Variants in KITLG observed in about 807,000 individuals in gnomAD.
KITLG encodes KIT ligand.
In KITLG, 13 loss-of-function variants were observed where a neutral mutation model predicts 34.1. The ratio of observed to expected loss-of-function variants is 0.38; its 90% CI spans 0.25 to 0.61. KITLG has a LOEUF of 0.61. KITLG is among the 20% of genes least tolerant of loss of function. The probability of loss-of-function intolerance (pLI) is 0.60; values close to 1 mark genes in which losing one functional copy is unlikely to be tolerated. For synonymous variants in KITLG, 110 were observed against 104.0 expected, an observed-to-expected ratio of 1.06 and a Z score of -0.35; for missense variants, 292 against 318.9, an observed-to-expected ratio of 0.92 and a Z score of 0.64.
intron 2 of KITLG, among the ~76,000 whole-genome samples, chr12:88,537,252 A>C (rs1047415525): frequency 6.6e-6 from 1 of 152,194 alleles, no homozygotes; most frequent in Admixed American, 6.5e-5. Flanking sequence ...GACTGAATAA[A>C]GACAATGTGA....
In KITLG at chr12:88,530,559, G is replaced by GT. The variant is rs562126837; in HGVS notation, c.192+1881dup. 2.3e-3 allele frequency among the ~76,000 whole-genome samples: 348 copies of GT among 152,232 alleles called. 3 individuals carry two copies. The South Asian group carries it at 0.036, about 16-fold the overall frequency. ...AAAGATCATTGCCTAATTGGTGTGT[G>GT]TTTGTTTCTTCAAGTGTCTGCCAAA... is the stretch of plus-strand genomic sequence containing the variant. On this transcript the variant is annotated intron_variant, in intron 3 of 9. Transcript: ENST00000644744.
At chr12:88,557,829 C>T (rs1335505006) in intron 1 of KITLG, among the ~76,000 whole-genome samples, 1 of 152,136 alleles carries the variant, frequency 6.6e-6, no homozygotes, top group Non-Finnish European at 1.5e-5. Flanking sequence ...CTTATGCCAA[C>T]TAGCTGCTCT....
intron 9 of KITLG, among the ~76,000 whole-genome samples, 163 bp from the exon 10 acceptor site, chr12:88,497,344 G>T (rs1868680309): frequency 6.6e-6 from 1 of 152,132 alleles, no homozygotes; most frequent in Non-Finnish European, 1.5e-5. Flanking sequence ...TTTCTTAGAT[G>T]CAGTGATCAG....
intron 3 of KITLG, among the ~76,000 whole-genome samples, chr12:88,528,262 T>C (rs904925579): frequency 2.0e-5 from 3 of 152,176 alleles, no homozygotes; most frequent in African/African-American, 7.2e-5. Context: ...GCTCTGACAC[T>C]CCTGCCTCCC....
intron 3 of KITLG, among the ~76,000 whole-genome samples, chr12:88,523,206 G>C (rs1869738787): frequency 6.6e-6 from 1 of 152,168 alleles, no homozygotes; most frequent in Non-Finnish European, 1.5e-5. Context: ...AAAATCTAGA[G>C]CCATGTCATC....
intron 1 of KITLG, among the ~76,000 whole-genome samples, chr12:88,578,341 C>T (rs1038907485): frequency 2.0e-5 from 3 of 152,116 alleles, no homozygotes; most frequent in Admixed American, 1.3e-4. Context: ...GCCTACAAGC[C>T]GTTTAACATC....
At chr12:88,509,406 CAGA>C (rs1459062831) in intron 6 of KITLG, among the ~76,000 whole-genome samples, 1 of 152,174 alleles carries the variant, frequency 6.6e-6, no homozygotes, top group Non-Finnish European at 1.5e-5. Context: ...CTTTCTCAGG[CAGA>C]AGGATAGCAT....
chr12:88,567,351 AAG>A (rs1279916715), intron 1 of KITLG, among the ~76,000 whole-genome samples: 1 of 152,224 alleles, frequency 6.6e-6, no homozygotes, highest in Non-Finnish European at 1.5e-5. Context: ...TGTATTACAA[AAG>A]AGTTATAAAA....
intron 9 of KITLG, among the ~76,000 whole-genome samples, chr12:88,501,397 G>A (rs1868849843): frequency 6.6e-6 from 1 of 152,170 alleles, no homozygotes; most frequent in South Asian, 2.1e-4. Context: ...TTTTTTAAAT[G>A]TATAATTGCA....
chr12:88,562,419 T>C (rs1197200588), intron 1 of KITLG, among the ~76,000 whole-genome samples: 1 of 152,228 alleles, frequency 6.6e-6, no homozygotes, highest in Admixed American at 6.5e-5. Flanking sequence ...TATCTGTTTC[T>C]TACACTTGAC....
At chr12:88,547,496 T>A (rs776549424) in intron 1 of KITLG, among the ~76,000 whole-genome samples, 20 of 152,234 alleles carry the variant, frequency 1.3e-4, no homozygotes, top group Non-Finnish European at 2.5e-4. Context: ...AAATTATTTC[T>A]GTTTGAGGAT....
intron 2 of KITLG, among the ~76,000 whole-genome samples, chr12:88,535,301 A>G (rs1261275348): frequency 6.6e-6 from 1 of 152,212 alleles, no homozygotes; most frequent in East Asian, 1.9e-4. Context: ...TTATTCGTTA[A>G]GCTGATTTAC....
intron 1 of KITLG, among the ~76,000 whole-genome samples, chr12:88,553,153 C>T (rs779882927): frequency 6.6e-6 from 1 of 152,154 alleles, no homozygotes; most frequent in Non-Finnish European, 1.5e-5. Flanking sequence ...AGTTCACACA[C>T]CTTTTTCATT....
rs893542870 is a variant in KITLG, at chr12:88,546,525, C to T, written c.16-660G>A. Among the ~76,000 whole-genome samples, 52 of 152,136 alleles carry T rather than the reference C, an allele frequency of 3.4e-4. 1 individual carries two copies. Among genetic ancestry groups the T allele is most frequent in the Non-Finnish European group, 1.2e-4 (8 of 68,014 alleles). On this transcript the variant is annotated intron_variant, in intron 1 of 9. Coordinates refer to ENST00000644744, the MANE Select transcript of KITLG (RefSeq NM_000899.5). ...TCTCGAACACACATAACCTACACAT[C>T]GGCTTGAAAATAACATTTTCTATTA...
At chr12:88,509,394 A>G (rs1002599914) in intron 6 of KITLG, among the ~76,000 whole-genome samples, 1 of 152,132 alleles carries the variant, frequency 6.6e-6, no homozygotes, top group Non-Finnish European at 1.5e-5. Flanking sequence ...GCTACCTAAA[A>G]CCTTTCTCAG....
At chr12:88,529,589 A>G (rs1870004057) in intron 3 of KITLG, among the ~76,000 whole-genome samples, 1 of 152,160 alleles carries the variant, frequency 6.6e-6, no homozygotes, top group African/African-American at 2.4e-5. Context: ...AGTGTATTCT[A>G]TTCTAGAGCT....
chr12:88,580,313 T>G lies in KITLG; in HGVS notation c.-35A>C. 2 of 1,610,392 alleles carry G rather than the reference T, an allele frequency of 1.2e-6. No individual in the cohort carries two copies. Among genetic ancestry groups the G allele is most frequent in the Non-Finnish European group, 8.5e-7 (1 of 1,178,384 alleles). Reference sequence around the variant, plus strand: ...CAGCGCTGCGATCCAGCACAAACAGTGGTGTGGCGACTCCGTTTAGCTGTT... The same window carrying G: ...CAGCGCTGCGATCCAGCACAAACAGGGGTGTGGCGACTCCGTTTAGCTGTT... On this transcript the variant is annotated 5_prime_UTR_variant, in exon 1 of 10. Coordinates refer to ENST00000644744, the MANE Select transcript of KITLG (RefSeq NM_000899.5).
At chr12:88,535,058 T>C (rs1315083143) in intron 2 of KITLG, among the ~76,000 whole-genome samples, 2 of 152,166 alleles carry the variant, frequency 1.3e-5, no homozygotes, top group Non-Finnish European at 2.9e-5. Context: ...TAATTTATAT[T>C]ATTTTAAAAA....
chr12:88,549,205 C>T (rs1014289991), intron 1 of KITLG, among the ~76,000 whole-genome samples: 1 of 152,056 alleles, frequency 6.6e-6, no homozygotes, highest in Non-Finnish European at 1.5e-5. Flanking sequence ...TCATGTAGGG[C>T]GTTGAAGCCT....
Sources: gnomAD v4.1 joint callset for allele counts (sites outside exome capture counted in the v4.1 genomes callset) on GRCh38, gnomAD v4.1.1 for gene constraint, MANE v1.5 for transcripts, NCBI Gene and HGNC (gene_info 2026-07-23, HGNC 2026-07-21) for gene names.